ATRNL1: variants seen among roughly 807,000 people sequenced by gnomAD.
ATRNL1 encodes attractin like 1.
A neutral mutation model predicts 182.7 loss-of-function variants in ATRNL1; 95 were observed. That is an observed-to-expected ratio of 0.52 (90% CI 0.44 to 0.62). The LOEUF (loss-of-function observed/expected upper bound fraction) is 0.62. Among genes scored for constraint, ATRNL1 ranks in the 20% least tolerant of loss-of-function variants. ATRNL1 has a pLI of 0.00. For missense variants in ATRNL1, 1,471 were observed against 1,679.5 expected (o/e 0.88, Z 2.17); for synonymous variants, 576 against 568.3 (o/e 1.01, Z -0.19).
At chr10:115,606,021 AAATT>A (rs1367146207) in intron 26 of ATRNL1, among the ~76,000 whole-genome samples, 1 of 152,030 alleles carries the variant, frequency 6.6e-6, no homozygotes, top group African/African-American at 2.4e-5. Context: ...AAAAAGAAGA[AAATT>A]AAGGATATTT....
At chr10:115,581,512 C>T (rs1199194512) in intron 26 of ATRNL1, among the ~76,000 whole-genome samples, 1 of 152,082 alleles carries the variant, frequency 6.6e-6, no homozygotes, top group Non-Finnish European at 1.5e-5. Flanking sequence ...TCAAAAATCA[C>T]ATGCATTAAA....
chr10:115,600,637 T>C (rs997499332), intron 26 of ATRNL1, among the ~76,000 whole-genome samples: 8 of 152,110 alleles, frequency 5.3e-5, no homozygotes, highest in Non-Finnish European at 1.0e-4. Flanking sequence ...TATAAATCCT[T>C]TGTCAGTTTT....
intron 25 of ATRNL1, among the ~76,000 whole-genome samples, chr10:115,525,990 C>G (rs557720840): frequency 6.6e-6 from 1 of 152,112 alleles, no homozygotes; most frequent in Non-Finnish European, 1.5e-5. Flanking sequence ...TTTAATCCCC[C>G]TAATCAGTCT....
intron 21 of ATRNL1, among the ~76,000 whole-genome samples, chr10:115,451,798 G>A (rs1354726418): frequency 6.6e-6 from 1 of 152,014 alleles, no homozygotes; most frequent in Admixed American, 6.6e-5. Context: ...CTACCATAAA[G>A]ACACGTGCAC....
At chr10:115,769,718 T>C (rs1021796645) in intron 27 of ATRNL1, among the ~76,000 whole-genome samples, 1 of 152,154 alleles carries the variant, frequency 6.6e-6, no homozygotes, top group Admixed American at 6.5e-5. Flanking sequence ...GAATTTAGTT[T>C]CCTTGACAAT....
chr10:115,358,438 AT>A (rs1856597578), intron 19 of ATRNL1, among the ~76,000 whole-genome samples: 1 of 151,000 alleles, frequency 6.6e-6, no homozygotes, highest in African/African-American at 2.4e-5. Context: ...TCATATCTTT[AT>A]TTTTTTATTT....
chr10:115,278,057 C>T (rs894003160), intron 13 of ATRNL1, among the ~76,000 whole-genome samples: 1 of 151,980 alleles, frequency 6.6e-6, no homozygotes, highest in African/African-American at 2.4e-5. Flanking sequence ...ATCTTTTTAC[C>T]TTTTACTACT....
At chr10:115,694,939 A>ACG (rs1448672942) in intron 26 of ATRNL1, among the ~76,000 whole-genome samples, 2 of 108,988 alleles carry the variant, frequency 1.8e-5, no homozygotes, top group African/African-American at 8.0e-5. Context: ...ACATGCACAC[A>ACG]CGCACACACA....
chr10:115,225,188 G>C (rs1849639827), intron 9 of ATRNL1, among the ~76,000 whole-genome samples: 1 of 151,698 alleles, frequency 6.6e-6, no homozygotes, highest in African/African-American at 2.4e-5. Context: ...TATAAAATTT[G>C]AATAATTAAG....
intron 24 of ATRNL1, among the ~76,000 whole-genome samples, chr10:115,472,575 ATTC>A (rs1848356016): frequency 6.6e-6 from 1 of 150,912 alleles, no homozygotes. Context: ...GGTTAAACTT[ATTC>A]TTAAGTATTT....
chr10:115,218,973 A>G (rs1554896803), intron 9 of ATRNL1, among the ~76,000 whole-genome samples: 1 of 152,184 alleles, frequency 6.6e-6, no homozygotes, highest in East Asian at 1.9e-4. Flanking sequence ...ACAGTGGCTC[A>G]CGCCTGTAAT....
intron 28 of ATRNL1, among the ~76,000 whole-genome samples, chr10:115,905,980 C>T (rs1252248968): frequency 6.6e-6 from 1 of 152,170 alleles, no homozygotes; most frequent in Non-Finnish European, 1.5e-5. Flanking sequence ...TTAAAATTTA[C>T]AACTGTGCAA....
intron 8 of ATRNL1, among the ~76,000 whole-genome samples, chr10:115,189,328 A>G (rs1848078618): frequency 6.6e-6 from 1 of 151,916 alleles, no homozygotes; most frequent in Non-Finnish European, 1.5e-5. Flanking sequence ...TTTAGAATAT[A>G]CTTTTTCTAC....
intron 26 of ATRNL1, among the ~76,000 whole-genome samples, chr10:115,668,970 T>C (rs568363243): frequency 1.3e-5 from 2 of 152,218 alleles, no homozygotes; most frequent in East Asian, 3.9e-4. Context: ...TATTTTAAGG[T>C]TTATAGAACT....
chr10:115,155,656 G>A (rs1330990196), intron 5 of ATRNL1, among the ~76,000 whole-genome samples: 1 of 152,048 alleles, frequency 6.6e-6, no homozygotes, highest in Non-Finnish European at 1.5e-5. Context: ...AGTGTATACT[G>A]AGGCTAATCA....
intron 28 of ATRNL1, among the ~76,000 whole-genome samples, chr10:115,862,331 G>A (rs781925724): frequency 2.0e-5 from 3 of 151,886 alleles, no homozygotes; most frequent in South Asian, 2.1e-4. Context: ...TTTAGTCCTC[G>A]CTTTATTGCT....
In ATRNL1 at chr10:115,418,563, C is replaced by A. The variant is rs374147273; in HGVS notation, c.3270-7687C>A. Among the ~76,000 whole-genome samples, 104 of 152,162 alleles carry A rather than the reference C, an allele frequency of 6.8e-4. 2 individuals carry two copies. The South Asian group carries it at 0.021, about 31-fold the overall frequency. ...AATAATAACAGAAAACTTTTCAAGC[C>A]TGGGGAAAGATGTGAATGCCCAATT... On this transcript the variant is annotated intron_variant, in intron 20 of 28. Transcript: ENST00000355044.
chr10:115,932,566 G>A (rs934443006), intron 28 of ATRNL1, among the ~76,000 whole-genome samples: 7 of 152,034 alleles, frequency 4.6e-5, no homozygotes, highest in African/African-American at 1.7e-4. Flanking sequence ...GTGAGTGTTT[G>A]CATAATTTTT....
At chr10:115,107,205 C>A (rs186048578) in intron 1 of ATRNL1, among the ~76,000 whole-genome samples, 3 of 152,268 alleles carry the variant, frequency 2.0e-5, no homozygotes, top group Admixed American at 1.3e-4. Flanking sequence ...GTAGGTGAGA[C>A]TCAAGGCACA....
Sources: allele counts gnomAD v4.1 joint callset (sites outside exome capture counted in the v4.1 genomes callset), GRCh38; gene constraint gnomAD v4.1.1; transcripts MANE v1.5; gene names NCBI Gene and HGNC (gene_info 2026-07-23, HGNC 2026-07-21).